WWTR1: variants seen among roughly 807,000 people sequenced by gnomAD.
The protein encoded by WWTR1 is WW domain-containing transcription regulator protein 1.
In WWTR1, 13 loss-of-function variants were observed where a neutral mutation model predicts 40.1. The observed-to-expected ratio is 0.32, with a 90% CI of 0.21 to 0.52. The LOEUF is 0.52. Ranked by LOEUF, WWTR1 falls within the 20% of genes least tolerant of loss-of-function variation. The probability of loss-of-function intolerance (pLI) is 0.97; values close to 1 mark genes in which losing one functional copy is unlikely to be tolerated. For synonymous variants in WWTR1, 230 were observed against 210.1 expected (o/e 1.09, Z -0.82); for missense variants, 436 against 523.1 (o/e 0.83, Z 1.63).
chr3:149,695,572 C>A (rs1394001699), intron 1 of WWTR1, among the ~76,000 whole-genome samples: 1 of 151,058 alleles, frequency 6.6e-6, no homozygotes, highest in Non-Finnish European at 1.5e-5. Context: ...ATCAGCCTGG[C>A]CAACATGGTG....
chr3:149,647,337 G>T (rs1472920812), intron 2 of WWTR1, among the ~76,000 whole-genome samples: 1 of 152,034 alleles, frequency 6.6e-6, no homozygotes, highest in Admixed American at 6.6e-5. Context: ...CTGAAAACAT[G>T]AACTTTCGAG....
intron 3 of WWTR1, among the ~76,000 whole-genome samples, chr3:149,567,409 G>A (rs1737386659): frequency 6.6e-6 from 1 of 152,202 alleles, no homozygotes; most frequent in African/African-American, 2.4e-5. Flanking sequence ...TGACCTGACA[G>A]TCACAAGCTT....
intron 3 of WWTR1, among the ~76,000 whole-genome samples, chr3:149,551,864 G>T (rs1736628484): frequency 6.9e-6 from 1 of 145,944 alleles, no homozygotes; most frequent in Non-Finnish European, 1.5e-5. Context: ...AGGCTATCCA[G>T]ATTAGCTGTC....
intron 3 of WWTR1, among the ~76,000 whole-genome samples, chr3:149,553,774 C>T (rs1209582916): frequency 3.9e-5 from 6 of 152,126 alleles, no homozygotes; most frequent in Admixed American, 1.3e-4. Context: ...GGTGCAGCTG[C>T]GGGTCTTTTC....
At chr3:149,603,535 T>A (rs1490861991) in intron 2 of WWTR1, among the ~76,000 whole-genome samples, 1 of 148,958 alleles carries the variant, frequency 6.7e-6, no homozygotes, top group East Asian at 2.1e-4. Flanking sequence ...AATAATTTAG[T>A]TACAAAGGTT....
At chr3:149,683,472 TCAC>T (rs564359062) in intron 1 of WWTR1, among the ~76,000 whole-genome samples, 2,400 of 152,212 alleles carry the variant, frequency 0.016, 19 homozygotes, top group Non-Finnish European at 0.024. Context: ...AGCGGATGGA[TCAC>T]TTGAGGTCAG....
chr3:149,565,836 G>A (rs1018677660), intron 3 of WWTR1, among the ~76,000 whole-genome samples: 5 of 151,716 alleles, frequency 3.3e-5, no homozygotes, highest in Admixed American at 2.0e-4. Context: ...GCTTGAACCC[G>A]GGAGGTGGAG....
chr3:149,534,673 C>T (rs1021746578), intron 4 of WWTR1, among the ~76,000 whole-genome samples: 1 of 152,150 alleles, frequency 6.6e-6, no homozygotes, highest in Non-Finnish European at 1.5e-5. Flanking sequence ...CCCTGCTGAC[C>T]CTGACCCAAC....
At chr3:149,562,600 GACACACACACACACACAC>G (rs60366789) in intron 3 of WWTR1, among the ~76,000 whole-genome samples, 31 of 135,882 alleles carry the variant, frequency 2.3e-4, no homozygotes, top group Middle Eastern at 3.7e-3. Flanking sequence ...TTAAAATACA[GACACACACACACACACAC>G]ACACACACAC....
chr3:149,682,032 T>C (rs1714471893), intron 1 of WWTR1, among the ~76,000 whole-genome samples: 1 of 152,008 alleles, frequency 6.6e-6, no homozygotes, highest in African/African-American at 2.4e-5. Flanking sequence ...GTAGCTCTCA[T>C]GTTAAATGTT....
At position 149,593,015 on chromosome 3, in the gene WWTR1, G is replaced by A. The variant is rs1212613956; in HGVS notation, c.432-20015C>T. ...TGCTAAAAAAAACTCCAGGCACACCGAGCCAAGTTACACTCATGTACCAAT... is the reference window on the plus strand; with the variant it reads ...TGCTAAAAAAAACTCCAGGCACACCAAGCCAAGTTACACTCATGTACCAAT... On this transcript the variant is annotated intron_variant, in intron 2 of 6. Coordinates refer to ENST00000360632, the MANE Select transcript of WWTR1 (RefSeq NM_015472.6). Among the ~76,000 whole-genome samples the A allele has an allele frequency of 5.3e-5, 8 of 152,054 alleles. No homozygotes were observed. The South Asian group carries it at 8.3e-4, about 16-fold the overall frequency.
intron 6 of WWTR1, among the ~76,000 whole-genome samples, chr3:149,524,650 A>G (rs766411454): frequency 3.9e-5 from 6 of 152,138 alleles, no homozygotes; most frequent in African/African-American, 1.4e-4. Flanking sequence ...AATCTTCTCA[A>G]TGCAAAGATG....
chr3:149,635,657 G>A (rs930339257), intron 2 of WWTR1, among the ~76,000 whole-genome samples: 1 of 151,978 alleles, frequency 6.6e-6, no homozygotes, highest in African/African-American at 2.4e-5. Flanking sequence ...AGGAGAAGAA[G>A]AAAAACTTGA....
intron 4 of WWTR1, among the ~76,000 whole-genome samples, chr3:149,723,708 G>A (rs1278698840): frequency 6.6e-6 from 1 of 152,156 alleles, no homozygotes; most frequent in Non-Finnish European, 1.5e-5. Context: ...ATGTAGGAAG[G>A]GAAAAAGGTG....
chr3:149,524,705 C>T (rs999838811), intron 6 of WWTR1, among the ~76,000 whole-genome samples: 1 of 152,150 alleles, frequency 6.6e-6, no homozygotes, highest in African/African-American at 2.4e-5. Flanking sequence ...TAATGTACTG[C>T]ATTTGTAAGA....
chr3:149,683,789 G>C (rs542191360), intron 1 of WWTR1, among the ~76,000 whole-genome samples: 25 of 152,308 alleles, frequency 1.6e-4, no homozygotes, highest in African/African-American at 5.8e-4. Flanking sequence ...CAATGGGAAG[G>C]GGGTGTGACA....
At chr3:149,691,770 A>G (rs1184776668) in intron 1 of WWTR1, among the ~76,000 whole-genome samples, 1 of 152,064 alleles carries the variant, frequency 6.6e-6, no homozygotes, top group Non-Finnish European at 1.5e-5. Context: ...TAATCCCAGC[A>G]CTTTGGGAGG....
At chr3:149,655,381 G>T (rs1379404185) in intron 2 of WWTR1, among the ~76,000 whole-genome samples, 1 of 149,942 alleles carries the variant, frequency 6.7e-6, no homozygotes. Flanking sequence ...GGGGGCGGAG[G>T]TTGCAGTGAG....
chr3:149,520,127 T>A lies in WWTR1; in HGVS notation c.*678A>T, dbSNP rs959422792. ...CTGTGACTAATGCTGCTGCTGCTACTTTCCCGCTGGAGGGACTAAGTTGTC... is the reference window on the plus strand; with the variant it reads ...CTGTGACTAATGCTGCTGCTGCTACATTCCCGCTGGAGGGACTAAGTTGTC... On this transcript the variant is annotated 3_prime_UTR_variant, in exon 7 of 7. Coordinates refer to ENST00000360632, the MANE Select transcript of WWTR1 (RefSeq NM_015472.6). The A allele has an allele frequency of 6.6e-6, 1 of 152,248 alleles. No individual in the cohort carries two copies. Among genetic ancestry groups the A allele is most frequent in the Non-Finnish European group, 1.5e-5 (1 of 68,046 alleles). 9.4% of individuals were successfully genotyped at this position (152,248 alleles called of 1,614,324 possible).
Sources: allele counts gnomAD v4.1 joint callset (sites outside exome capture counted in the v4.1 genomes callset), GRCh38; gene constraint gnomAD v4.1.1; transcripts MANE v1.5; gene names NCBI Gene and HGNC (gene_info 2026-07-23, HGNC 2026-07-21).